PDGFC: variants seen among roughly 807,000 people sequenced by gnomAD.
The protein encoded by PDGFC is platelet derived growth factor C, also known as platelet-derived growth factor C.
Under a neutral mutation model 35.5 loss-of-function variants are expected in PDGFC, and 12 were observed. That is an observed-to-expected ratio of 0.34 (90% CI 0.22 to 0.55). PDGFC has a LOEUF of 0.55. Ranked by LOEUF, PDGFC falls within the 20% of genes least tolerant of loss-of-function variation. The probability of loss-of-function intolerance (pLI) is 0.91; values close to 1 mark genes in which losing one functional copy is unlikely to be tolerated. For missense variants in PDGFC, 322 were observed against 412.4 expected (o/e 0.78, Z 1.90); for synonymous variants, 159 against 148.8 (o/e 1.07, Z -0.50).
At chr4:156,838,848 T>A (rs1729130133) in intron 2 of PDGFC, among the ~76,000 whole-genome samples, 1 of 152,018 alleles carries the variant, frequency 6.6e-6, no homozygotes, top group Non-Finnish European at 1.5e-5. Context: ...GTTGGGGTGA[T>A]CAGACCCAAC....
At chr4:156,958,125 C>T (rs1199985758) in intron 1 of PDGFC, among the ~76,000 whole-genome samples, 1 of 151,934 alleles carries the variant, frequency 6.6e-6, no homozygotes, top group African/African-American at 2.4e-5. Flanking sequence ...AACTGCATGT[C>T]TTCTCTCTCC....
intron 1 of PDGFC, chr4:156,861,407 T>G (rs1334523429): frequency 1.9e-6 from 2 of 1,026,618 alleles, no homozygotes; most frequent in East Asian, 1.2e-4. Flanking sequence ...TCAGAGTAAA[T>G]AAAAATATAC....
At chr4:156,886,754 T>C (rs931203454) in intron 1 of PDGFC, 21 of 152,180 alleles carry the variant, frequency 1.4e-4, no homozygotes, top group African/African-American at 5.1e-4. Flanking sequence ...AGCTTCCCAT[T>C]TCTATATCTG....
intron 1 of PDGFC, among the ~76,000 whole-genome samples, chr4:156,857,078 GT>G (rs199579839): frequency 0.094 from 13,486 of 142,844 alleles, 663 homozygotes; most frequent in Middle Eastern, 0.14. Flanking sequence ...ATATCTGAGG[GT>G]TTTTTTTTTT....
intron 1 of PDGFC, among the ~76,000 whole-genome samples, chr4:156,870,479 A>G (rs886118136): frequency 6.6e-5 from 10 of 152,124 alleles, no homozygotes; most frequent in Admixed American, 5.9e-4. Context: ...ATTATCTTCT[A>G]CTTCATAGAG....
chr4:156,956,752 T>C (rs932888025), intron 1 of PDGFC, among the ~76,000 whole-genome samples: 1 of 152,052 alleles, frequency 6.6e-6, no homozygotes, highest in African/African-American at 2.4e-5. Context: ...TTACTTAACA[T>C]ACTATATTAT....
rs139493292 is a variant in PDGFC at position 156,850,117 on chromosome 4, A to C, written c.314+104T>G. The C allele has an allele frequency of 1.1e-3, 639 of 577,158 alleles. 5 individuals carry two copies. The African/African-American group carries it at 0.011, about 10-fold the overall frequency. The allele number at this position is 577,158 out of a possible 1,614,324, so 35.8% of individuals were successfully genotyped here. A position where few individuals can be genotyped will look rare whatever the true frequency, so the allele number is the denominator to read the frequency against. On this transcript the variant is annotated intron_variant, in intron 2 of 5. Coordinates refer to ENST00000502773, the MANE Select transcript of PDGFC (RefSeq NM_016205.3). ...TGGAAATTTCTTAGATCATCAGAAAAATAAAACAAAAGATGTCATTTAAAA... is the reference window on the plus strand; with the variant it reads ...TGGAAATTTCTTAGATCATCAGAAACATAAAACAAAAGATGTCATTTAAAA...
intron 2 of PDGFC, among the ~76,000 whole-genome samples, chr4:156,839,451 T>C (rs922325604): frequency 2.6e-5 from 4 of 152,176 alleles, no homozygotes; most frequent in Non-Finnish European, 5.9e-5. Flanking sequence ...TCCTGAGTCC[T>C]CCCCAGCCCT....
At chr4:156,865,716 A>C (rs1729824506) in intron 1 of PDGFC, among the ~76,000 whole-genome samples, 1 of 152,256 alleles carries the variant, frequency 6.6e-6, no homozygotes, top group Admixed American at 6.5e-5. Flanking sequence ...AGGAAGGTCC[A>C]AACCACAGGC....
intron 3 of PDGFC, among the ~76,000 whole-genome samples, chr4:156,791,043 G>A (rs1464329676): frequency 6.6e-6 from 1 of 152,114 alleles, no homozygotes; most frequent in Non-Finnish European, 1.5e-5. Flanking sequence ...GCTTAGGGCT[G>A]CGGCTCTCTG....
chr4:156,800,952 G>A (rs1731588630), intron 3 of PDGFC, among the ~76,000 whole-genome samples: 1 of 152,120 alleles, frequency 6.6e-6, no homozygotes, highest in South Asian at 2.1e-4. Flanking sequence ...ACACTATGAG[G>A]TTAGGAGGAT....
In PDGFC at chr4:156,971,090, G is replaced by T; in HGVS notation, c.-187C>A. 1.8e-6 allele frequency: 1 copy of T among 558,874 alleles called. No homozygotes were observed. The highest frequency in any genetic ancestry group is 3.2e-6 in the Non-Finnish European group (1 of 312,614). The allele number at this position is 558,874 out of a possible 1,614,324, so 34.6% of individuals were successfully genotyped here. On this transcript the variant is annotated 5_prime_UTR_variant, in exon 1 of 6. Coordinates refer to ENST00000502773, the MANE Select transcript of PDGFC (RefSeq NM_016205.3). The stretch of plus-strand genomic sequence containing the variant: ...AAACTTTTTCCTAGAGCCCTCTTCT[G>T]TGTCTCCAGTTTTTGAAAAGGATCA...
At chr4:156,810,793 A>G (rs1269731013) in intron 3 of PDGFC, 44 bp downstream of exon 3, 1 of 1,236,574 alleles carries the variant, frequency 8.1e-7, no homozygotes, top group East Asian at 2.6e-5. Flanking sequence ...AAAGAAACAA[A>G]AAGCTGATCC....
At chr4:156,900,745 G>A (rs1730748344) in intron 1 of PDGFC, among the ~76,000 whole-genome samples, 1 of 152,098 alleles carries the variant, frequency 6.6e-6, no homozygotes. Flanking sequence ...TGAGGTGGGA[G>A]GATGGCTTCA....
At chr4:156,785,217 C>T (rs769575429) in intron 3 of PDGFC, among the ~76,000 whole-genome samples, 25 of 152,012 alleles carry the variant, frequency 1.6e-4, no homozygotes, top group Non-Finnish European at 2.6e-4. Context: ...TTTTTTGAGA[C>T]GGAGTCTCAC....
intron 1 of PDGFC, among the ~76,000 whole-genome samples, chr4:156,877,379 A>T (rs1730139975): frequency 1.3e-5 from 2 of 152,144 alleles, no homozygotes; most frequent in Admixed American, 1.3e-4. Context: ...TTAATCTAAA[A>T]ATTACTCATG....
chr4:156,867,453 G>T (rs1201654195), intron 1 of PDGFC, among the ~76,000 whole-genome samples: 1 of 152,164 alleles, frequency 6.6e-6, no homozygotes, highest in South Asian at 2.1e-4. Flanking sequence ...TTTAAGATTT[G>T]TTTTTGCTTC....
At chr4:156,870,371 C>T (rs558325427) in intron 1 of PDGFC, among the ~76,000 whole-genome samples, 2 of 152,098 alleles carry the variant, frequency 1.3e-5, no homozygotes, top group South Asian at 2.1e-4. Flanking sequence ...TCAAAACAGA[C>T]AATATTTCAT....
At chr4:156,819,371 T>G (rs1007825031) in intron 2 of PDGFC, among the ~76,000 whole-genome samples, 8 of 152,212 alleles carry the variant, frequency 5.3e-5, no homozygotes, top group African/African-American at 1.9e-4. Context: ...AAGGACAGGC[T>G]GACTCCCTTG....
Sources: gnomAD v4.1 joint callset for allele counts (sites outside exome capture counted in the v4.1 genomes callset) on GRCh38, gnomAD v4.1.1 for gene constraint, MANE v1.5 for transcripts, NCBI Gene and HGNC (gene_info 2026-07-23, HGNC 2026-07-21) for gene names.